The following CLRN1 variants were observed in gnomAD, a reference collection of about 807,000 sequenced individuals.
The protein encoded by CLRN1 is clarin-1.
CLRN1 carries 15 observed loss-of-function variants against 18.7 expected under a neutral mutation model. The observed-to-expected ratio is 0.80, with a 90% CI of 0.54 to 1.23. The LOEUF is 1.23. Ranked by LOEUF, CLRN1 falls within the 50% of genes most tolerant of loss-of-function variation. CLRN1 has a pLI of 0.00. For missense variants in CLRN1, 311 were observed against 277.5 expected, an observed-to-expected ratio of 1.12 and a Z score of -0.86; for synonymous variants, 104 against 102.9, an observed-to-expected ratio of 1.01 and a Z score of -0.07.
upstream of CLRN1, chr3:150,972,968 C>CA: frequency 1.7e-6 from 1 of 579,244 alleles, no homozygotes; most frequent in South Asian, 1.9e-5. Context: ...ATCTGTAAAA[C>CA]AAGTCTTTCA....
chr3:150,969,358 G>A (rs1440971237), intron 1 of CLRN1, among the ~76,000 whole-genome samples: 2 of 90,688 alleles, frequency 2.2e-5, no homozygotes, highest in African/African-American at 9.1e-5. Flanking sequence ...ACAGAGTCTT[G>A]CTCTGTCACC....
Position 150,931,705 on chromosome 3 carries a change from A to C in CLRN1, c.434-3504T>G, listed in dbSNP as rs1030585392. On this transcript the variant is annotated intron_variant, in intron 2 of 2. Coordinates refer to ENST00000327047, the MANE Select transcript of CLRN1 (RefSeq NM_174878.3). ...GGCAGGGGAAGAGAAGTGGGTTTTC[A>C]TTCATACTCTTGCCCAAGACTTCAC... Among the ~76,000 whole-genome samples the C allele has an allele frequency of 2.0e-5, 3 of 152,174 alleles. 1 individual carries two copies. The East Asian group carries it at 5.8e-4, about 29-fold the overall frequency.
rs55846714 is a variant in CLRN1, at chr3:150,948,483, C to CAAAA, written c.254-6726_254-6723dup. On this transcript the variant is annotated intron_variant, in intron 1 of 2. Transcript: ENST00000327047. ...TGGGCGACAGAGCGAGACTCCGTCT[C>CAAAA]AAAAAAAAAAAAAAAAAAAAAAAAA... is the stretch of plus-strand genomic sequence containing the variant. 2.9e-4 allele frequency among the ~76,000 whole-genome samples: 16 copies of CAAAA among 54,384 alleles called. 1 individual carries two copies. Among genetic ancestry groups the CAAAA allele is most frequent in the African/African-American group, 9.5e-4 (10 of 10,472 alleles). 35.7% of individuals were successfully genotyped at this position (54,384 alleles called of 152,430 possible). A position where few individuals can be genotyped will look rare whatever the true frequency, so the allele number is the denominator to read the frequency against.
Sources: gnomAD v4.1 joint callset for allele counts (sites outside exome capture counted in the v4.1 genomes callset) on GRCh38, gnomAD v4.1.1 for gene constraint, MANE v1.5 for transcripts, NCBI Gene and HGNC (gene_info 2026-07-23, HGNC 2026-07-21) for gene names.